The following IMMP1L variants were observed in gnomAD, a reference collection of about 807,000 sequenced individuals.
IMMP1L encodes inner mitochondrial membrane peptidase subunit 1.
A neutral mutation model predicts 21.8 loss-of-function variants in IMMP1L; 24 were observed. The observed-to-expected ratio is 1.10, with a 90% confidence interval of 0.80 to 1.55. The LOEUF (loss-of-function observed/expected upper bound fraction) is 1.55, where lower values mean the gene tolerates loss of function less well. IMMP1L is among the 40% of genes most tolerant of loss of function. The pLI is 0.00. For synonymous variants in IMMP1L, 46 were observed against 62.8 expected (o/e 0.73, Z 1.26); for missense variants, 195 against 200.7 (o/e 0.97, Z 0.17).
intron 4 of IMMP1L, among the ~76,000 whole-genome samples, chr11:31,446,872 C>G (rs1342098800): frequency 6.6e-6 from 1 of 152,136 alleles, no homozygotes. Flanking sequence ...ACTATAACCT[C>G]CTAAAGTTAC....
At chr11:31,439,493 T>TA (rs1491457419) in intron 4 of IMMP1L, among the ~76,000 whole-genome samples, 2 of 152,348 alleles carry the variant, frequency 1.3e-5, no homozygotes, top group East Asian at 3.9e-4. Flanking sequence ...ATTGGTGTTT[T>TA]AGAGTGCTTC....
chr11:31,506,578 C>G (rs568329121), intron 1 of IMMP1L, among the ~76,000 whole-genome samples: 12 of 149,430 alleles, frequency 8.0e-5, no homozygotes, highest in African/African-American at 3.0e-4. Context: ...TATTTATTCT[C>G]GTGTTTTATA....
chr11:31,466,914 A>G (rs1954376133), intron 1 of IMMP1L, among the ~76,000 whole-genome samples: 1 of 152,148 alleles, frequency 6.6e-6, no homozygotes, highest in South Asian at 2.1e-4. Context: ...AAGATCTTTA[A>G]TGTTCACAAC....
intron 4 of IMMP1L, chr11:31,452,745 C>CTT: frequency 2.0e-6 from 2 of 1,008,574 alleles, no homozygotes; most frequent in South Asian, 7.8e-5. Flanking sequence ...CAAACAGCAT[C>CTT]TTTTTTTTTC....
intron 1 of IMMP1L, chr11:31,477,246 C>T (rs1265965654): frequency 6.6e-6 from 1 of 151,930 alleles, no homozygotes; most frequent in East Asian, 1.9e-4. Flanking sequence ...TTCATAGTGG[C>T]TCTATAGCCA....
chr11:31,501,720 G>A (rs1346631244), intron 1 of IMMP1L, among the ~76,000 whole-genome samples: 4 of 151,986 alleles, frequency 2.6e-5, no homozygotes, highest in African/African-American at 7.2e-5. Flanking sequence ...TTGGGAGGCC[G>A]AGGCAGGTGG....
intron 4 of IMMP1L, among the ~76,000 whole-genome samples, chr11:31,449,546 C>T (rs1308031564): frequency 1.3e-5 from 2 of 152,050 alleles, no homozygotes; most frequent in African/African-American, 4.8e-5. Flanking sequence ...CATTTTAATA[C>T]ACTATACCAC....
chr11:31,457,432 G>T (rs992272838), intron 3 of IMMP1L, among the ~76,000 whole-genome samples: 4 of 152,186 alleles, frequency 2.6e-5, no homozygotes, highest in African/African-American at 9.6e-5. Context: ...TGTGAATTCT[G>T]TTGACTAACA....
At chr11:31,503,746 G>T (rs1955697647) in intron 1 of IMMP1L, among the ~76,000 whole-genome samples, 2 of 152,158 alleles carry the variant, frequency 1.3e-5, no homozygotes, top group Admixed American at 1.3e-4. Flanking sequence ...AACAGATTTT[G>T]CTGGGTAGTC....
At chr11:31,452,140 T>C in intron 4 of IMMP1L, 1 of 756,386 alleles carries the variant, frequency 1.3e-6, no homozygotes, top group Non-Finnish European at 1.6e-6. Context: ...AAGCTCAGAG[T>C]GGAGTAACTA....
intron 1 of IMMP1L, among the ~76,000 whole-genome samples, chr11:31,506,602 C>T (rs1321879709): frequency 1.3e-5 from 2 of 149,604 alleles, no homozygotes; most frequent in African/African-American, 2.5e-5. Context: ...AACTCTGCTA[C>T]TTGCTGGTAA....
At chr11:31,458,038 G>A (rs1318401420) in intron 3 of IMMP1L, among the ~76,000 whole-genome samples, 58 of 152,296 alleles carry the variant, frequency 3.8e-4, no homozygotes, top group Non-Finnish European at 4.4e-5. Context: ...TTTGGAGGAA[G>A]AGACGTTTTT....
chr11:31,494,277 C>T (rs145112827), intron 1 of IMMP1L, among the ~76,000 whole-genome samples: 2,145 of 152,332 alleles, frequency 0.014, 29 homozygotes, highest in Non-Finnish European at 0.023. Context: ...TTACGTGCAC[C>T]CACAGGCCCA....
intron 5 of IMMP1L, among the ~76,000 whole-genome samples, chr11:31,432,957 A>G (rs905979453): frequency 6.6e-6 from 1 of 152,232 alleles, no homozygotes; most frequent in Non-Finnish European, 1.5e-5. Context: ...CCTGTAAATT[A>G]TCCAACAGCT....
At chr11:31,503,556 T>C (rs539178189) in intron 1 of IMMP1L, among the ~76,000 whole-genome samples, 19 of 152,256 alleles carry the variant, frequency 1.2e-4, no homozygotes, top group African/African-American at 4.6e-4. Flanking sequence ...TTGCTGATAT[T>C]TATTTATCAG....
chr11:31,466,992 T>C (rs1007754539), intron 1 of IMMP1L, among the ~76,000 whole-genome samples: 2 of 152,150 alleles, frequency 1.3e-5, no homozygotes, highest in African/African-American at 4.8e-5. Flanking sequence ...ATATACTGTA[T>C]ACATGTAACA....
chr11:31,480,069 CTT>C (rs767736208), intron 1 of IMMP1L, among the ~76,000 whole-genome samples: 5 of 151,996 alleles, frequency 3.3e-5, no homozygotes, highest in African/African-American at 4.8e-5. Context: ...AAAATTGTCT[CTT>C]GAGCAATTTC....
At chr11:31,457,216 G>A (rs1368905079) in intron 3 of IMMP1L, among the ~76,000 whole-genome samples, 1 of 151,878 alleles carries the variant, frequency 6.6e-6, no homozygotes, top group African/African-American at 2.4e-5. Flanking sequence ...TATACACTCT[G>A]AAAAATAAAA....
intron 1 of IMMP1L, among the ~76,000 whole-genome samples, chr11:31,470,989 G>A (rs192548435): frequency 6.6e-6 from 1 of 152,192 alleles, no homozygotes; most frequent in East Asian, 1.9e-4. Context: ...TGATAAGGAG[G>A]GACTGGCTAA....
Sources: allele counts gnomAD v4.1 joint callset (sites outside exome capture counted in the v4.1 genomes callset), GRCh38; gene constraint gnomAD v4.1.1; transcripts MANE v1.5; gene names NCBI Gene and HGNC (gene_info 2026-07-23, HGNC 2026-07-21).